Variants in EGFLAM observed in about 807,000 individuals in gnomAD.
EGFLAM encodes the protein pikachurin.
Under a neutral mutation model 113.1 loss-of-function variants are expected in EGFLAM, and 79 were observed. The ratio of observed to expected loss-of-function variants is 0.70; its 90% CI spans 0.58 to 0.84. The LOEUF (loss-of-function observed/expected upper bound fraction) is 0.84, where lower values mean the gene tolerates loss of function less well. Among genes scored for constraint, EGFLAM ranks in the 40% least tolerant of loss-of-function variants. The pLI, the probability that EGFLAM is intolerant of heterozygous loss-of-function variation, is 0.00. For missense variants in EGFLAM, 1,265 were observed against 1,291.6 expected (o/e 0.98, Z 0.32); for synonymous variants, 504 against 487.6 (o/e 1.03, Z -0.44).
At chr5:38,449,540 G>C (rs1742837138) in intron 18 of EGFLAM, among the ~76,000 whole-genome samples, 1 of 152,172 alleles carries the variant, frequency 6.6e-6, no homozygotes, top group South Asian at 2.1e-4. Flanking sequence ...CAAGCCTTCA[G>C]TCTCTGGGGG....
rs375865086 is a variant in EGFLAM, at chr5:38,409,089, G to A, written c.1334G>A (p.Arg445His). 1.3e-5 allele frequency: 20 copies of A among 1,579,716 alleles called. No individual in the cohort carries two copies. Among genetic ancestry groups the A allele is most frequent in the South Asian group, 3.5e-5 (3 of 86,344 alleles). ...TTCATGTCCCTGGCTATCATCCGAC[G>A]CTCCCTGCAGTTCAGGTAATTCCTG... ...GDFMSLAIIR[R>H]SLQFRFNCGT... The change falls in exon 10 of 22, where the codon CGC becomes CAC. Residue 445 changes from arginine to histidine, a missense_variant. By Grantham distance (29) the Arg-to-His change is conservative (BLOSUM62 0). Transcript: ENST00000322350.
chr5:38,411,413 G>A (rs997539604), intron 10 of EGFLAM, among the ~76,000 whole-genome samples: 3 of 151,976 alleles, frequency 2.0e-5, no homozygotes, highest in Non-Finnish European at 2.9e-5. Flanking sequence ...GGGCAACAGA[G>A]CGAGACTCTT....
intron 1 of EGFLAM, among the ~76,000 whole-genome samples, chr5:38,306,336 C>A (rs1219238041): frequency 1.3e-5 from 2 of 152,106 alleles, no homozygotes; most frequent in Admixed American, 6.6e-5. Context: ...GGTAGTATCT[C>A]TTCTAAGACA....
intron 12 of EGFLAM, among the ~76,000 whole-genome samples, chr5:38,419,405 G>GTCTCCTCCTTGAATCTCTTTTCCCTCCT (rs1741757781): frequency 6.6e-6 from 1 of 152,136 alleles, no homozygotes; most frequent in African/African-American, 2.4e-5. Flanking sequence ...GAAATGGCAA[G>GTCTCCTCCTTGAATCTCTTTTCCCTCCT]TCTCCTCCTT....
At chr5:38,365,689 GAAACATGAAT>G (rs1287205463) in intron 5 of EGFLAM, among the ~76,000 whole-genome samples, 4 of 152,004 alleles carry the variant, frequency 2.6e-5, no homozygotes, top group Non-Finnish European at 5.9e-5. Context: ...AAAGAAAGGA[GAAACATGAAT>G]AAGGTAGTAA....
At chr5:38,280,043 A>T (rs775521580) in intron 1 of EGFLAM, among the ~76,000 whole-genome samples, 1 of 152,240 alleles carries the variant, frequency 6.6e-6, no homozygotes, top group Non-Finnish European at 1.5e-5. Flanking sequence ...AGGTATACTG[A>T]TGATGAAGAG....
intron 3 of EGFLAM, among the ~76,000 whole-genome samples, chr5:38,343,729 C>T (rs1426201881): frequency 6.6e-6 from 1 of 152,208 alleles, no homozygotes; most frequent in African/African-American, 2.4e-5. Context: ...TCTCTGGTGC[C>T]TTCCACTGGA....
intron 3 of EGFLAM, among the ~76,000 whole-genome samples, chr5:38,348,330 G>A (rs1384910456): frequency 2.6e-5 from 4 of 152,104 alleles, no homozygotes; most frequent in African/African-American, 9.7e-5. Flanking sequence ...CGAGGGAGAA[G>A]AGAAGATGGT....
chr5:38,327,274 T>G (rs1402838594), intron 1 of EGFLAM, among the ~76,000 whole-genome samples: 2 of 152,218 alleles, frequency 1.3e-5, no homozygotes, highest in Non-Finnish European at 2.9e-5. Context: ...GCAGTGTTAT[T>G]TCGCAGATTT....
chr5:38,456,612 A>G (rs1163480823), intron 19 of EGFLAM, among the ~76,000 whole-genome samples: 1 of 152,196 alleles, frequency 6.6e-6, no homozygotes, highest in African/African-American at 2.4e-5. Context: ...ATTCTTGGTT[A>G]AATGTCAATG....
intron 3 of EGFLAM, among the ~76,000 whole-genome samples, chr5:38,342,438 A>G (rs1332250359): frequency 6.6e-6 from 1 of 152,208 alleles, no homozygotes; most frequent in African/African-American, 2.4e-5. Context: ...CTTAAAAGGT[A>G]GATTTGGTTT....
chr5:38,413,344 G>C (rs184613176), intron 11 of EGFLAM, among the ~76,000 whole-genome samples: 38 of 152,028 alleles, frequency 2.5e-4, no homozygotes, highest in African/African-American at 8.7e-4. Context: ...GCCATTATTA[G>C]TGTCAAACAC....
At chr5:38,282,774 A>C (rs1311223999) in intron 1 of EGFLAM, among the ~76,000 whole-genome samples, 1 of 152,200 alleles carries the variant, frequency 6.6e-6, no homozygotes, top group Non-Finnish European at 1.5e-5. Context: ...AGAAGGCAAA[A>C]TATATTAGGA....
intron 1 of EGFLAM, among the ~76,000 whole-genome samples, chr5:38,305,191 C>T (rs1287885279): frequency 3.3e-5 from 5 of 151,826 alleles, no homozygotes; most frequent in Non-Finnish European, 7.4e-5. Flanking sequence ...TAGACCAAAG[C>T]CAGGAAATGA....
At chr5:38,446,457 C>T (rs1742716035) in intron 17 of EGFLAM, among the ~76,000 whole-genome samples, 2 of 152,140 alleles carry the variant, frequency 1.3e-5, no homozygotes, top group Admixed American at 6.6e-5. Context: ...TACTCGGCTC[C>T]TTTCCCGTCC....
intron 6 of EGFLAM, chr5:38,399,857 C>T (rs571951360): frequency 6.6e-6 from 1 of 152,332 alleles, no homozygotes; most frequent in African/African-American, 2.4e-5. Flanking sequence ...CAATGGATCA[C>T]CTCCTACAGG....
intron 11 of EGFLAM, among the ~76,000 whole-genome samples, chr5:38,417,752 C>T (rs544092616): frequency 2.0e-5 from 3 of 152,282 alleles, no homozygotes; most frequent in South Asian, 2.1e-4. Context: ...GGAAAGAGAA[C>T]GTTTTTGTTG....
intron 17 of EGFLAM, among the ~76,000 whole-genome samples, chr5:38,447,887 C>A (rs1456537729): frequency 1.3e-5 from 2 of 152,086 alleles, no homozygotes; most frequent in African/African-American, 4.8e-5. Context: ...AGCAAATTAG[C>A]TTTCAAGAAT....
rs766998851 is a variant in EGFLAM, at chr5:38,258,819, C to T, written c.65C>T (p.Ala22Val). Residue 22 changes from alanine (A) to valine (V), a missense_variant, in exon 1 of 22, where the codon GCG (alanine) becomes GTG (valine). Ala to Val is a moderately conservative substitution (Grantham distance 64). Transcript: ENST00000322350. ...LLLASSLGPG[A>V]VSLRAAIRKP... Reference sequence around the variant, plus strand: ...CTGGCTTCCAGCCTCGGACCCGGCGCGGTGTCGCTCCGAGCGGCCATCCGA... The same window carrying T: ...CTGGCTTCCAGCCTCGGACCCGGCGTGGTGTCGCTCCGAGCGGCCATCCGA... 3 of 1,612,178 alleles carry T rather than the reference C, an allele frequency of 1.9e-6. No individual in the cohort carries two copies. The highest frequency in any genetic ancestry group is 2.5e-6 in the Non-Finnish European group (3 of 1,179,446).
Sources: allele counts gnomAD v4.1 joint callset (sites outside exome capture counted in the v4.1 genomes callset), GRCh38; gene constraint gnomAD v4.1.1; transcripts MANE v1.5; gene names NCBI Gene and HGNC (gene_info 2026-07-23, HGNC 2026-07-21).